The following PLSCR2 variants were observed in gnomAD, a reference collection of about 807,000 sequenced individuals.
PLSCR2 encodes the protein phospholipid scramblase 2, also known as PL scramblase 2.
A neutral mutation model predicts 25.3 loss-of-function variants in PLSCR2; 18 were observed. That is an observed-to-expected ratio of 0.71 (90% confidence interval 0.49 to 1.06). The LOEUF (loss-of-function observed/expected upper bound fraction) is 1.06, where lower values mean the gene tolerates loss of function less well. PLSCR2 is among the 50% of genes least tolerant of loss of function. PLSCR2 has a pLI of 0.00. For synonymous variants in PLSCR2, 88 were observed against 87.3 expected (o/e 1.01, Z -0.04); for missense variants, 243 against 269.5 (o/e 0.90, Z 0.69).
downstream of PLSCR2, among the ~76,000 whole-genome samples, chr3:146,432,440 G>C (rs956116228): frequency 6.6e-6 from 1 of 152,098 alleles, no homozygotes; most frequent in Non-Finnish European, 1.5e-5. Flanking sequence ...ATGGTGGCCT[G>C]AGATGTGATA....
In PLSCR2 at chr3:146,433,888, G is replaced by T. The variant is rs530689074; in HGVS notation, c.*35-371C>A. 2.7e-3 allele frequency among the ~76,000 whole-genome samples: 417 copies of T among 152,296 alleles called. 2 individuals are homozygous for T. Among genetic ancestry groups the T allele is most frequent in the African/African-American group, 9.6e-3 (398 of 41,572 alleles). On this transcript the variant is annotated intron_variant, in intron 8 of 8. Transcript: ENST00000336685. ...TGGCTTTGGTAGAGTTCTGCTGGTG[G>T]TAACACTTATGGGGAGAGTGGCTGT...
chr3:146,410,011 T>A (rs958126433), intron 2 of PLSCR2, among the ~76,000 whole-genome samples: 20 of 152,122 alleles, frequency 1.3e-4, no homozygotes, highest in Non-Finnish European at 2.1e-4. Context: ...GCGTTTTCCC[T>A]TCTCATTTTC....
At chr3:146,447,404 C>A (rs115810028) in intron 6 of PLSCR2, among the ~76,000 whole-genome samples, 275 of 152,276 alleles carry the variant, frequency 1.8e-3, no homozygotes, top group African/African-American at 6.3e-3. Context: ...GCTCTTTAGT[C>A]AGCAGGTGAT....
chr3:146,476,226 G>A (rs1012768508), intron 1 of PLSCR2, among the ~76,000 whole-genome samples: 4 of 152,108 alleles, frequency 2.6e-5, no homozygotes, highest in Non-Finnish European at 4.4e-5. Flanking sequence ...TGACTAGGCA[G>A]TTGGTGTGAC....
At chr3:146,462,148 T>C (rs2041615913), upstream of PLSCR2, among the ~76,000 whole-genome samples, 1 of 152,040 alleles carries the variant, frequency 6.6e-6, no homozygotes, top group Admixed American at 6.6e-5. Context: ...TCTAAAACAA[T>C]ACAGTCACAT....
intron 1 of PLSCR2, among the ~76,000 whole-genome samples, chr3:146,470,082 G>A (rs751281212): frequency 6.6e-6 from 1 of 152,076 alleles, no homozygotes; most frequent in Non-Finnish European, 1.5e-5. Context: ...TTTATCTCTA[G>A]CCCTTGCCCT....
intron 1 of PLSCR2, among the ~76,000 whole-genome samples, chr3:146,476,338 T>G (rs1361883053): frequency 3.9e-5 from 6 of 152,310 alleles, no homozygotes; most frequent in Admixed American, 3.9e-4. Flanking sequence ...CGCTGAGTGT[T>G]CATGCTACCC....
chr3:146,438,927 A>C (rs909073867), downstream of PLSCR2, among the ~76,000 whole-genome samples: 20 of 152,138 alleles, frequency 1.3e-4, no homozygotes, highest in African/African-American at 4.8e-4. Context: ...TGTTCCTTTC[A>C]ATGTTTAGTG....
chr3:146,446,236 A>T (rs1016548284), intron 6 of PLSCR2, among the ~76,000 whole-genome samples: 1 of 152,104 alleles, frequency 6.6e-6, no homozygotes, highest in Admixed American at 6.6e-5. Flanking sequence ...TGGGCACTGA[A>T]GAGTTAGGTG....
chr3:146,479,489 C>T (rs2043053504), intron 1 of PLSCR2, among the ~76,000 whole-genome samples: 1 of 152,084 alleles, frequency 6.6e-6, no homozygotes. Flanking sequence ...TCAAAAGAGA[C>T]AAAGAAGGCC....
chr3:146,411,572 C>T (rs1012353797), intron 2 of PLSCR2, among the ~76,000 whole-genome samples: 5 of 152,178 alleles, frequency 3.3e-5, no homozygotes, highest in African/African-American at 9.7e-5. Flanking sequence ...CGGCTCTTGC[C>T]CGGTGGCATT....
intron 1 of PLSCR2, among the ~76,000 whole-genome samples, chr3:146,495,254 A>AT (rs2043705726): frequency 6.6e-6 from 1 of 152,118 alleles, no homozygotes; most frequent in Non-Finnish European, 1.5e-5. Flanking sequence ...TCTTCTTCCT[A>AT]TTTTTGGACA....
chr3:146,418,616 A>AATAATCCT, intron 2 of PLSCR2, among the ~76,000 whole-genome samples: 1 of 152,252 alleles, frequency 6.6e-6, no homozygotes, highest in African/African-American at 2.4e-5. Flanking sequence ...GAGGACTTGA[A>AATAATCCT]ATAATCCTCT....
chr3:146,426,784 G>C (rs1434671828), intron 2 of PLSCR2, among the ~76,000 whole-genome samples: 2 of 152,098 alleles, frequency 1.3e-5, no homozygotes, highest in Non-Finnish European at 2.9e-5. Flanking sequence ...TGCTAAAGTT[G>C]ATATGAAACA....
intron 2 of PLSCR2, among the ~76,000 whole-genome samples, chr3:146,417,026 T>C (rs2039021225): frequency 6.6e-6 from 1 of 152,168 alleles, no homozygotes; most frequent in Non-Finnish European, 1.5e-5. Context: ...AAAGACAAGA[T>C]AAATCATCTT....
intron 2 of PLSCR2, among the ~76,000 whole-genome samples, chr3:146,418,698 T>A (rs2108066417): frequency 1.3e-5 from 2 of 152,276 alleles, no homozygotes; most frequent in Middle Eastern, 6.8e-3. Flanking sequence ...TCAGAATCAT[T>A]CTTCATTTTT....
chr3:146,474,141 A>C (rs769880525), intron 1 of PLSCR2, among the ~76,000 whole-genome samples: 1 of 152,208 alleles, frequency 6.6e-6, no homozygotes, highest in Non-Finnish European at 1.5e-5. Context: ...GCATAAGTAC[A>C]TGTACACACA....
intron 1 of PLSCR2, among the ~76,000 whole-genome samples, chr3:146,478,369 T>A (rs1247359532): frequency 1.3e-5 from 2 of 152,098 alleles, no homozygotes; most frequent in African/African-American, 4.8e-5. Flanking sequence ...AATGGCTAAC[T>A]AGAAAAAACA....
downstream of PLSCR2, among the ~76,000 whole-genome samples, chr3:146,430,455 C>T (rs977781281): frequency 5.3e-5 from 8 of 152,156 alleles, no homozygotes; most frequent in Non-Finnish European, 1.0e-4. Flanking sequence ...AACTTCTGTG[C>T]ACTCTTCTGG....
Sources: allele counts gnomAD v4.1 joint callset (sites outside exome capture counted in the v4.1 genomes callset), GRCh38; gene constraint gnomAD v4.1.1; transcripts MANE v1.5; gene names NCBI Gene and HGNC (gene_info 2026-07-23, HGNC 2026-07-21).